Variants in ITFG1 observed in about 807,000 individuals in gnomAD.
ITFG1 encodes the protein integrin alpha FG-GAP repeat containing 1, also known as T-cell immunomodulatory protein.
ITFG1 carries 34 observed loss-of-function variants against 81.8 expected under a neutral mutation model. The ratio of observed to expected loss-of-function variants is 0.42; its 90% CI spans 0.32 to 0.55. The LOEUF is 0.55. Ranked by LOEUF, ITFG1 falls within the 20% of genes least tolerant of loss-of-function variation. The pLI is 0.17. For synonymous variants in ITFG1, 285 were observed against 270.6 expected, an observed-to-expected ratio of 1.05 and a Z score of -0.52; for missense variants, 672 against 755.4, an observed-to-expected ratio of 0.89 and a Z score of 1.29.
Position 47,311,380 on chromosome 16 carries a change from C to A in ITFG1, c.930G>T (p.Lys310Asn), listed in dbSNP as rs1285526373. Residue 310 changes from lysine to asparagine, a missense_variant, in exon 10 of 18, where the codon AAG becomes AAT. This residue lies in a region of ITFG1 where 560 missense variants were observed against 625.7 expected (regional missense o/e 0.90). Coordinates refer to ENST00000320640, the MANE Select transcript of ITFG1 (RefSeq NM_030790.5). ...WVPVLQDFSN[K>N]GTLWGFVPFV... ...ATGGCACAAAGCCCCAGAGTGTGCC[C>A]TTATTGCTGAAATCTTGTAGGACTG... 1 of 1,613,000 alleles carries A rather than the reference C, an allele frequency of 6.2e-7. No homozygotes were observed. The highest frequency in any genetic ancestry group is 2.2e-5 in the East Asian group (1 of 44,820).
chr16:47,413,585 A>C (rs746064664), intron 6 of ITFG1, among the ~76,000 whole-genome samples: 3 of 152,086 alleles, frequency 2.0e-5, no homozygotes, highest in Non-Finnish European at 4.4e-5. Flanking sequence ...AATCCCATCT[A>C]CTTGGGAGGC....
intron 10 of ITFG1, among the ~76,000 whole-genome samples, chr16:47,294,806 A>C (rs1966958715): frequency 1.3e-5 from 2 of 152,148 alleles, no homozygotes; most frequent in Non-Finnish European, 1.5e-5. Context: ...TCTTTAGTGA[A>C]TACAGATAGT....
rs567074555 is a variant in ITFG1, at chr16:47,459,897, C to T, written c.209-722G>A. On this transcript the variant is annotated intron_variant, in intron 1 of 17. Transcript: ENST00000320640. ...GGGTTTGTAAGAGGTTCCTGCATCC[C>T]CGCAAGGGCTCCAAGAAGTCTGGTT... 7.9e-5 allele frequency among the ~76,000 whole-genome samples: 12 copies of T among 152,254 alleles called. No individual in the cohort carries two copies. The South Asian group carries it at 2.5e-3, about 32-fold the overall frequency.
intron 6 of ITFG1, among the ~76,000 whole-genome samples, chr16:47,421,408 G>A (rs1373845479): frequency 2.0e-5 from 3 of 151,802 alleles, no homozygotes; most frequent in Admixed American, 1.3e-4. Context: ...AGGTTCAAGC[G>A]ATTCTCCTGC....
chr16:47,168,567 T>C (rs2151509137), intron 14 of ITFG1, among the ~76,000 whole-genome samples: 1 of 150,306 alleles, frequency 6.7e-6, no homozygotes, highest in Non-Finnish European at 1.5e-5. Context: ...TTTTTTTTTT[T>C]TCTAGAGACA....
intron 13 of ITFG1, among the ~76,000 whole-genome samples, chr16:47,236,784 C>G (rs779359371): frequency 6.6e-6 from 1 of 152,204 alleles, no homozygotes; most frequent in Non-Finnish European, 1.5e-5. Context: ...ACCAAACATT[C>G]ACATGCATGC....
intron 6 of ITFG1, among the ~76,000 whole-genome samples, chr16:47,380,048 C>CAA (rs763213367): frequency 0.015 from 732 of 48,950 alleles, 10 homozygotes; most frequent in African/African-American, 0.042. Flanking sequence ...CTTGGGTAGC[C>CAA]AAAAAAAAAA....
intron 6 of ITFG1, among the ~76,000 whole-genome samples, chr16:47,419,968 T>G (rs887569849): frequency 6.6e-6 from 1 of 151,452 alleles, no homozygotes; most frequent in Non-Finnish European, 1.5e-5. Context: ...TTTTTTTTTT[T>G]GGAGACCAGC....
chr16:47,405,030 CATATA>C (rs1467316884), intron 6 of ITFG1, among the ~76,000 whole-genome samples: 39 of 152,006 alleles, frequency 2.6e-4, no homozygotes, highest in Admixed American at 9.2e-4. Context: ...CATGGCTGGT[CATATA>C]ATATATGTCA....
intron 14 of ITFG1, among the ~76,000 whole-genome samples, chr16:47,163,913 CTA>C (rs1491261604): frequency 2.1e-5 from 2 of 93,276 alleles, no homozygotes; most frequent in African/African-American, 8.1e-5. Context: ...AGAAGCTCAA[CTA>C]CACACACACA....
intron 14 of ITFG1, among the ~76,000 whole-genome samples, chr16:47,189,662 C>G (rs546411352): frequency 4.5e-4 from 69 of 152,276 alleles, no homozygotes; most frequent in Non-Finnish European, 7.6e-4. Context: ...CTGCTATGGA[C>G]ATTCATGTAC....
At chr16:47,303,722 C>T (rs1391023316) in intron 10 of ITFG1, among the ~76,000 whole-genome samples, 3 of 152,176 alleles carry the variant, frequency 2.0e-5, no homozygotes, top group Non-Finnish European at 4.4e-5. Flanking sequence ...TTCCTAGGCT[C>T]AGGTGATCCT....
intron 8 of ITFG1, among the ~76,000 whole-genome samples, chr16:47,350,559 G>A (rs182027030): frequency 2.0e-5 from 3 of 152,296 alleles, no homozygotes; most frequent in Non-Finnish European, 4.4e-5. Flanking sequence ...CTCTGAAATT[G>A]AGGCAATAAT....
intron 13 of ITFG1, among the ~76,000 whole-genome samples, chr16:47,220,481 T>A (rs1237409253): frequency 6.6e-6 from 1 of 152,198 alleles, no homozygotes; most frequent in African/African-American, 2.4e-5. Flanking sequence ...CAAATGACAG[T>A]ATTTGTCGCT....
intron 10 of ITFG1, among the ~76,000 whole-genome samples, chr16:47,268,081 C>A (rs1966297485): frequency 6.6e-6 from 1 of 151,414 alleles, no homozygotes; most frequent in South Asian, 2.1e-4. Flanking sequence ...AGAGAAAAAT[C>A]AATGATAACA....
chr16:47,168,429 A>T (rs1272403488), intron 14 of ITFG1, among the ~76,000 whole-genome samples: 3 of 152,122 alleles, frequency 2.0e-5, no homozygotes, highest in African/African-American at 7.2e-5. Flanking sequence ...GCTGGAGTGC[A>T]GCGGCACAAT....
At chr16:47,276,887 A>G (rs1302248895) in intron 10 of ITFG1, among the ~76,000 whole-genome samples, 1 of 152,256 alleles carries the variant, frequency 6.6e-6, no homozygotes, top group African/African-American at 2.4e-5. Context: ...AAAAGCCTAC[A>G]TATGAAAAGT....
At chr16:47,318,117 A>G (rs1406842891) in intron 8 of ITFG1, among the ~76,000 whole-genome samples, 1 of 143,536 alleles carries the variant, frequency 7.0e-6, no homozygotes, top group Non-Finnish European at 1.6e-5. Context: ...TTAAGAAACC[A>G]AAAAAAAAAG....
At chr16:47,235,329 G>A (rs1229370915) in intron 13 of ITFG1, among the ~76,000 whole-genome samples, 1 of 152,138 alleles carries the variant, frequency 6.6e-6, no homozygotes, top group Non-Finnish European at 1.5e-5. Context: ...AGACAATACT[G>A]GGCTGATACA....
Sources: gnomAD v4.1 joint callset for allele counts (sites outside exome capture counted in the v4.1 genomes callset) on GRCh38, gnomAD v4.1.1 for gene constraint, gnomAD v4.1.1 regional missense constraint, MANE v1.5 for transcripts, NCBI Gene and HGNC (gene_info 2026-07-23, HGNC 2026-07-21) for gene names.